GRHL1: variants seen among roughly 807,000 people sequenced by gnomAD.
GRHL1 encodes grainyhead-like protein 1 homolog.
A neutral mutation model predicts 75.7 loss-of-function variants in GRHL1; 38 were observed. The ratio of observed to expected loss-of-function variants is 0.50; its 90% CI spans 0.39 to 0.66. The LOEUF (loss-of-function observed/expected upper bound fraction) is 0.66, where lower values mean the gene tolerates loss of function less well. Among genes scored for constraint, GRHL1 ranks in the 30% least tolerant of loss-of-function variants. The pLI, the probability that GRHL1 is intolerant of heterozygous loss-of-function variation, is 0.00. For missense variants in GRHL1, 589 were observed against 767.5 expected (o/e 0.77, Z 2.75); for synonymous variants, 266 against 279.4 (o/e 0.95, Z 0.48).
chr2:9,990,125 C>T lies in GRHL1; in HGVS notation c.1270-571C>T, dbSNP rs76913422. 0.026 allele frequency among the ~76,000 whole-genome samples: 3,977 copies of T among 152,022 alleles called. 169 individuals carry two copies. The highest frequency in any genetic ancestry group is 0.09 in the African/African-American group (3,737 of 41,432). Reference sequence around the variant, plus strand: ...AGATTTTCTCAGCTTTCATTTAACACGACCACATCCATTATAAGGAGAAAT... The same window carrying T: ...AGATTTTCTCAGCTTTCATTTAACATGACCACATCCATTATAAGGAGAAAT... On this transcript the variant is annotated intron_variant, in intron 9 of 15. Transcript: ENST00000324907. The surrounding 1 kb of genome is among the most constrained non-coding windows in gnomAD (Gnocchi z 4.2).
chr2:9,969,219 A>G (rs1667611284), intron 8 of GRHL1, among the ~76,000 whole-genome samples: 1 of 152,246 alleles, frequency 6.6e-6, no homozygotes, highest in Non-Finnish European at 1.5e-5. Context: ...AAACAGAGGA[A>G]AAAGAAGTTA....
At chr2:9,970,290 A>G (rs970486711) in intron 8 of GRHL1, among the ~76,000 whole-genome samples, 5 of 152,270 alleles carry the variant, frequency 3.3e-5, no homozygotes, top group Non-Finnish European at 7.3e-5. Context: ...GTTAACAGCA[A>G]GAACTTTCTG....
chr2:9,995,273 T>G (rs1249847654), intron 12 of GRHL1: 2 of 152,146 alleles, frequency 1.3e-5, no homozygotes, highest in Non-Finnish European at 2.9e-5. Context: ...AGATCCTGCC[T>G]CCTCCATAGA....
intron 4 of GRHL1, 48 bp downstream of exon 4, chr2:9,961,484 G>A: frequency 1.3e-6 from 2 of 1,515,414 alleles, no homozygotes; most frequent in South Asian, 1.3e-5. Flanking sequence ...GTTTGTATAA[G>A]TATTGGGTTC....
chr2:9,995,016 C>G (rs1343362744), intron 12 of GRHL1, among the ~76,000 whole-genome samples: 1 of 152,186 alleles, frequency 6.6e-6, no homozygotes, highest in African/African-American at 2.4e-5. Flanking sequence ...GGTACCAACA[C>G]ACTTTGGGTA....
intron 8 of GRHL1, among the ~76,000 whole-genome samples, chr2:9,984,078 C>T (rs192789451): frequency 1.3e-5 from 2 of 152,056 alleles, no homozygotes; most frequent in South Asian, 2.1e-4. Flanking sequence ...CGCTTGAACC[C>T]GGGAGGCGGA....
intron 14 of GRHL1, among the ~76,000 whole-genome samples, chr2:9,998,660 ATATATG>A (rs1427167999): frequency 1.3e-5 from 1 of 75,596 alleles, no homozygotes; most frequent in Non-Finnish European, 2.3e-5. Flanking sequence ...ACATATACAT[ATATATG>A]TACACATATA....
intron 8 of GRHL1, among the ~76,000 whole-genome samples, chr2:9,984,928 C>T (rs1481146070): frequency 1.3e-5 from 2 of 151,176 alleles, no homozygotes; most frequent in Non-Finnish European, 2.9e-5. Flanking sequence ...ATTACCTGGG[C>T]GTGGTGGCGC....
chr2:9,964,438 C>G (rs746042580), intron 7 of GRHL1, 92 bp downstream of exon 7: 2 of 697,488 alleles, frequency 2.9e-6, no homozygotes, highest in Non-Finnish European at 5.0e-6. Context: ...AGCTTCCTGC[C>G]GAAAGCATTT....
Position 9,964,299 on chromosome 2 carries a change from A to G in GRHL1, c.968A>G (p.Tyr323Cys). 6.2e-7 allele frequency: 1 copy of G among 1,612,560 alleles called. No homozygotes were observed. Among genetic ancestry groups the G allele is most frequent in the Non-Finnish European group, 8.5e-7 (1 of 1,178,552 alleles). Residue 323 changes from tyrosine (Y) to cysteine (C), a missense_variant, in exon 7 of 16, where the codon TAC (tyrosine) becomes TGC (cysteine). By Grantham distance (194) the Tyr-to-Cys change is radical (BLOSUM62 -2). Coordinates refer to ENST00000324907, the MANE Select transcript of GRHL1 (RefSeq NM_198182.3). The part of the protein sequence containing the change: ...SREDQLRHWK[Y>C]WHSRQHTAKQ... The stretch of plus-strand genomic sequence containing the variant: ...GAAGATCAGTTAAGGCATTGGAAGT[A>G]CTGGCACTCCCGGCAGCACACCGCT...
intron 8 of GRHL1, chr2:9,965,619 C>T (rs1446924830): frequency 2.0e-6 from 1 of 488,814 alleles, no homozygotes; most frequent in Admixed American, 3.5e-5. Context: ...TCTGCCACTC[C>T]TGCCTGTTCA....
In GRHL1 at chr2:9,986,224, A is replaced by G. The variant is rs1379327976; in HGVS notation, c.1211A>G (p.Asn404Ser). Reference sequence around the variant, plus strand: ...CAAGTTGATACCTATAGTTACAACAACCGCAGCAACAAGCCTGTGCACCGG... The same window carrying G: ...CAAGTTGATACCTATAGTTACAACAGCCGCAGCAACAAGCCTGTGCACCGG... ...NIQVDTYSYN[N>S]RSNKPVHRAY... Residue 404 changes from asparagine to serine, a missense_variant, in exon 9 of 16, where the codon AAC becomes AGC. Coordinates refer to ENST00000324907, the MANE Select transcript of GRHL1 (RefSeq NM_198182.3). The G allele has an allele frequency of 1.9e-6, 3 of 1,613,758 alleles. No homozygotes were observed. In the African/African-American group the frequency reaches 4.0e-5, roughly 22 times the overall value.
rs1209731564 is a variant in GRHL1, at chr2:9,987,910, T to TTAA, written c.1269+1629_1269+1631dup. Among the ~76,000 whole-genome samples, 3 of 152,176 alleles carry TTAA rather than the reference T, an allele frequency of 2.0e-5. No homozygotes were observed. Among genetic ancestry groups the TTAA allele is most frequent in the Admixed American group, 2.0e-4 (3 of 15,280 alleles). The stretch of plus-strand genomic sequence containing the variant: ...GACGGGGGCAGTTCTTTTCATCCTA[T>TTAA]TAAGGGAGCTTGTCTTTTATTGAGA... On this transcript the variant is annotated intron_variant, in intron 9 of 15. Coordinates refer to ENST00000324907, the MANE Select transcript of GRHL1 (RefSeq NM_198182.3). This position sits in a 1 kb window ranked among gnomAD's most constrained non-coding sequence, Gnocchi z 4.2.
chr2:9,995,046 C>A (rs1389269181), intron 12 of GRHL1, among the ~76,000 whole-genome samples: 2 of 152,154 alleles, frequency 1.3e-5, no homozygotes, highest in African/African-American at 2.4e-5. Flanking sequence ...GTCTCACAGA[C>A]CTTTCAACTA....
chr2:9,994,389 GCCTC>G (rs1349894048), intron 12 of GRHL1, among the ~76,000 whole-genome samples: 1 of 151,202 alleles, frequency 6.6e-6, no homozygotes, highest in Non-Finnish European at 1.5e-5. Context: ...TCCCGCCTCA[GCCTC>G]CCTCTTTCTG....
intron 14 of GRHL1, among the ~76,000 whole-genome samples, 166 bp from the exon 15 acceptor site, chr2:9,998,799 C>T (rs142706233): frequency 0.51 from 14,781 of 28,976 alleles, 4,976 homozygotes; most frequent in East Asian, 0.8. Flanking sequence ...TATGTACACA[C>T]ATATATATAC....
At chr2:9,959,800 G>A (rs1001162328) in intron 3 of GRHL1, 1 of 152,140 alleles carries the variant, frequency 6.6e-6, no homozygotes, top group Non-Finnish European at 1.5e-5. Flanking sequence ...ACATTCTGAA[G>A]CAAACTGTAA....
Position 9,992,291 on chromosome 2 carries a change from G to T in GRHL1, c.1461+145G>T. 1 of 676,826 alleles carries T rather than the reference G, an allele frequency of 1.5e-6. No individual in the cohort carries two copies. The allele number at this position is 676,826 out of a possible 1,614,324, so 41.9% of individuals were successfully genotyped here. On this transcript the variant is annotated intron_variant, in intron 11 of 15. Transcript: ENST00000324907. The surrounding 1 kb of genome is among the most constrained non-coding windows in gnomAD (Gnocchi z 4.6). ...GCTCTTTGGAATATTCTGCTGGGGT[G>T]ACATGATGCCCGTGCAATAAAAATG...
chr2:9,986,316 T>G, intron 9 of GRHL1, 34 bp downstream of exon 9: 1 of 1,549,240 alleles, frequency 6.5e-7, no homozygotes. Context: ...AACAAGTGTT[T>G]GAGACACACT....
Sources: allele counts gnomAD v4.1 joint callset (sites outside exome capture counted in the v4.1 genomes callset), GRCh38; gene constraint gnomAD v4.1.1; non-coding constraint Gnocchi (gnomAD v3.1); transcripts MANE v1.5; gene names NCBI Gene and HGNC (gene_info 2026-07-23, HGNC 2026-07-21).